RPS6KC1: variants seen among roughly 807,000 people sequenced by gnomAD.
The protein encoded by RPS6KC1 is inactive ribosomal protein S6 kinase delta-1.
In RPS6KC1, 54 loss-of-function variants were observed where a neutral mutation model predicts 103.8. The observed-to-expected ratio is 0.52, with a 90% CI of 0.42 to 0.65. The LOEUF is 0.65. RPS6KC1 is among the 30% of genes least tolerant of loss of function. RPS6KC1 has a pLI of 0.00. For missense variants in RPS6KC1, 1,151 were observed against 1,253.8 expected (o/e 0.92, Z 1.24); for synonymous variants, 439 against 438.7 (o/e 1.00, Z -0.01).
At chr1:213,174,417 C>T (rs1424600900) in intron 7 of RPS6KC1, among the ~76,000 whole-genome samples, 1 of 152,118 alleles carries the variant, frequency 6.6e-6, no homozygotes, top group Non-Finnish European at 1.5e-5. Flanking sequence ...TGCCTTCAGT[C>T]CCAGCACTTT....
chr1:213,784,062 G>A, the RPS6KC1 span, among the ~76,000 whole-genome samples: 2 of 152,154 alleles, frequency 1.3e-5, no homozygotes, highest in African/African-American at 4.8e-5. Flanking sequence ...ATCATGAAAT[G>A]TTTGAAACGA....
chr1:213,860,804 TTTTTC>T, the RPS6KC1 span, among the ~76,000 whole-genome samples: 4 of 149,054 alleles, frequency 2.7e-5, no homozygotes, highest in Non-Finnish European at 5.9e-5. Context: ...GGGATTTCTC[TTTTTC>T]TTTTCTTTTT....
chr1:213,685,216 G>A, the RPS6KC1 span, among the ~76,000 whole-genome samples: 27 of 152,190 alleles, frequency 1.8e-4, no homozygotes, highest in African/African-American at 5.8e-4. Context: ...TTATTTGTGC[G>A]GTGGAAGGAG....
At chr1:213,501,291 T>G in the RPS6KC1 span, among the ~76,000 whole-genome samples, 1 of 152,218 alleles carries the variant, frequency 6.6e-6, no homozygotes, top group African/African-American at 2.4e-5. Flanking sequence ...AAACAAAAGA[T>G]TGCCTATAAA....
At chr1:213,340,752 C>T in the RPS6KC1 span, among the ~76,000 whole-genome samples, 1 of 152,226 alleles carries the variant, frequency 6.6e-6, no homozygotes, top group Non-Finnish European at 1.5e-5. Flanking sequence ...ATGACCTTTC[C>T]TCTTCTTCCC....
chr1:213,836,236 T>A, the RPS6KC1 span, among the ~76,000 whole-genome samples: 3 of 151,738 alleles, frequency 2.0e-5, no homozygotes, highest in Non-Finnish European at 4.4e-5. Context: ...CTTACACAAT[T>A]GGATGACCAG....
the RPS6KC1 span, among the ~76,000 whole-genome samples, chr1:213,513,015 G>A: frequency 2.0e-5 from 3 of 152,316 alleles, no homozygotes; most frequent in African/African-American, 4.8e-5. Flanking sequence ...TTGTAAATAC[G>A]TTATGTTACA....
intron 2 of RPS6KC1, among the ~76,000 whole-genome samples, chr1:213,075,439 A>G (rs545759153): frequency 1.3e-5 from 2 of 152,288 alleles, no homozygotes; most frequent in South Asian, 2.1e-4. Flanking sequence ...ATGCTGAGAA[A>G]CCTTTCCTGA....
At chr1:213,672,839 C>T in the RPS6KC1 span, among the ~76,000 whole-genome samples, 2,094 of 152,290 alleles carry the variant, frequency 0.014, 43 homozygotes, top group African/African-American at 0.046. Flanking sequence ...CATCCCTGTA[C>T]GTTTTCTTCA....
At chr1:213,118,365 A>G (rs1172103022) in intron 5 of RPS6KC1, among the ~76,000 whole-genome samples, 4 of 152,074 alleles carry the variant, frequency 2.6e-5, no homozygotes, top group Non-Finnish European at 4.4e-5. Flanking sequence ...ATCAAAATAG[A>G]TAATTAGATT....
chr1:213,148,671 T>C (rs2088191207), intron 6 of RPS6KC1, among the ~76,000 whole-genome samples: 1 of 152,222 alleles, frequency 6.6e-6, no homozygotes, highest in African/African-American at 2.4e-5. Context: ...CTGGTTTTGA[T>C]ATCAGGGTAA....
At chr1:213,428,472 C>CCCTTCCTTCTTT in the RPS6KC1 span, among the ~76,000 whole-genome samples, 1 of 34,154 alleles carries the variant, frequency 2.9e-5, no homozygotes, top group African/African-American at 1.3e-4. Context: ...TTTCCTCCCT[C>CCCTTCCTTCTTT]CCTCCCTCCC....
At chr1:213,525,335 G>A in the RPS6KC1 span, among the ~76,000 whole-genome samples, 1 of 152,172 alleles carries the variant, frequency 6.6e-6, no homozygotes, top group Non-Finnish European at 1.5e-5. Context: ...GCAAGGCTTA[G>A]CAATCAGAAG....
chr1:213,443,997 T>C, the RPS6KC1 span, among the ~76,000 whole-genome samples: 1 of 152,302 alleles, frequency 6.6e-6, no homozygotes, highest in Non-Finnish European at 1.5e-5. Flanking sequence ...AAGTTTATTG[T>C]CTTTCAGTTC....
chr1:213,688,048 T>C, the RPS6KC1 span, among the ~76,000 whole-genome samples: 4 of 152,140 alleles, frequency 2.6e-5, no homozygotes, highest in Non-Finnish European at 4.4e-5. Context: ...GGCCCTGAGC[T>C]TCCTCAATTT....
intron 8 of RPS6KC1, among the ~76,000 whole-genome samples, chr1:213,188,865 C>T (rs999468766): frequency 2.0e-5 from 3 of 150,766 alleles, no homozygotes; most frequent in Non-Finnish European, 4.4e-5. Flanking sequence ...AATATAGACC[C>T]GATTATTCTA....
chr1:213,283,705 C>G, the RPS6KC1 span, among the ~76,000 whole-genome samples: 2 of 151,962 alleles, frequency 1.3e-5, no homozygotes, highest in African/African-American at 4.8e-5. Flanking sequence ...TAGTGCTGGG[C>G]CCTATGCTTA....
chr1:213,119,425 CATATATATATATATATATATATATATAT>C (rs757888943), intron 5 of RPS6KC1, among the ~76,000 whole-genome samples: 57 of 90,996 alleles, frequency 6.3e-4, no homozygotes, highest in African/African-American at 1.2e-3. Context: ...CCAGCCTGGG[CATATATATATATATATATATATATATAT>C]ATATATATAT....
At chr1:213,490,528 G>A in the RPS6KC1 span, among the ~76,000 whole-genome samples, 1 of 152,132 alleles carries the variant, frequency 6.6e-6, no homozygotes, top group Non-Finnish European at 1.5e-5. Context: ...CATTGTACCT[G>A]GGTGTCGGAC....
Sources: allele counts gnomAD v4.1 joint callset (sites outside exome capture counted in the v4.1 genomes callset), GRCh38; gene constraint gnomAD v4.1.1; transcripts MANE v1.5; gene names NCBI Gene and HGNC (gene_info 2026-07-23, HGNC 2026-07-21).